CYP3A5: variants seen among roughly 807,000 people sequenced by gnomAD.
CYP3A5 encodes the protein cytochrome P450 family 3 subfamily A member 5, also known as cytochrome P450 3A5.
A neutral mutation model predicts 55.9 loss-of-function variants in CYP3A5; 51 were observed. The ratio of observed to expected loss-of-function variants is 0.91; its 90% CI spans 0.73 to 1.15. CYP3A5 has a LOEUF of 1.15. Ranked by LOEUF, CYP3A5 falls within the 50% of genes most tolerant of loss-of-function variation. The probability of loss-of-function intolerance (pLI) is 0.00; values close to 1 mark genes in which losing one functional copy is unlikely to be tolerated. For synonymous variants in CYP3A5, 196 were observed against 213.9 expected (o/e 0.92, Z 0.73); for missense variants, 533 against 596.6 (o/e 0.89, Z 1.11).
At chr7:99,650,367 C>T in intron 11 of CYP3A5, 135 bp from the exon 12 acceptor site, 2 of 758,902 alleles carry the variant, frequency 2.6e-6, no homozygotes, top group Non-Finnish European at 4.3e-6. Flanking sequence ...GTGGGCTGGT[C>T]ATTGAAATCC....
chr7:99,672,814 G>A lies in CYP3A5; in HGVS notation c.219-135C>T, dbSNP rs1235458328. The A allele has an allele frequency of 5.3e-6, 8 of 1,501,658 alleles. No homozygotes were observed. In the South Asian group the frequency reaches 6.7e-5, roughly 13 times the overall value. The allele number at this position is 1,501,658 out of a possible 1,614,324, so 93.0% of individuals were successfully genotyped here. On this transcript the variant is annotated intron_variant, in intron 3 of 12. Transcript: ENST00000222982. ...GTTGTACGACACACAGCAACCTTAGGTTCTAGTTCATTAGGGTGTGACACA... is the reference window on the plus strand; with the variant it reads ...GTTGTACGACACACAGCAACCTTAGATTCTAGTTCATTAGGGTGTGACACA...
intron 8 of CYP3A5, 187 bp downstream of exon 8, chr7:99,663,781 A>C (rs1810678602): frequency 1.6e-6 from 2 of 1,263,010 alleles, no homozygotes; most frequent in Non-Finnish European, 2.0e-6. Flanking sequence ...TTTAAATGCT[A>C]TCTCTCTGAC....
At chr7:99,666,270 C>G (rs1350639852) in intron 6 of CYP3A5, among the ~76,000 whole-genome samples, 1 of 152,150 alleles carries the variant, frequency 6.6e-6, no homozygotes, top group Non-Finnish European at 1.5e-5. Context: ...GCTTGCTTAC[C>G]CACAGTTCCA....
In CYP3A5 at chr7:99,648,263, C is replaced by A. The variant is rs1341136835; in HGVS notation, c.*42G>T. On this transcript the variant is annotated 3_prime_UTR_variant, in exon 13 of 13. Coordinates refer to ENST00000222982, the MANE Select transcript of CYP3A5 (RefSeq NM_000777.5). Reference sequence around the variant, plus strand: ...AGTTGAAATCTCTGGTGTTCTGGGGCACAGCTTTCTTGAAGACCAAAGTAG... The same window carrying A: ...AGTTGAAATCTCTGGTGTTCTGGGGAACAGCTTTCTTGAAGACCAAAGTAG... 1 of 1,597,344 alleles carries A rather than the reference C, an allele frequency of 6.3e-7. No individual in the cohort carries two copies. The highest frequency in any genetic ancestry group is 2.2e-5 in the East Asian group (1 of 44,584).
At position 99,662,131 on chromosome 7, in the gene CYP3A5, TG is replaced by T. The variant is rs761820851; in HGVS notation, c.865+684del. ...GATGTAGACATGGACATGTTTAAAG[TG>T]GTATACTGGAGTCTGCTGAGTCCTG... On this transcript the variant is annotated intron_variant, in intron 9 of 12. Transcript: ENST00000222982. This position sits in a 1 kb window ranked among gnomAD's most constrained non-coding sequence, Gnocchi z 4.3. 3.3e-5 allele frequency among the ~76,000 whole-genome samples: 5 copies of T among 152,208 alleles called. No homozygotes were observed. The highest frequency in any genetic ancestry group is 5.9e-5 in the Non-Finnish European group (4 of 68,042).
chr7:99,679,915 A>C lies in CYP3A5; in HGVS notation c.-19T>G, dbSNP rs4646441. The C allele has an allele frequency of 1.9e-6, 3 of 1,611,752 alleles. No individual in the cohort carries two copies. The highest frequency in any genetic ancestry group is 1.7e-6 in the Non-Finnish European group (2 of 1,178,028). ...GGTCCATCGCCACTTTCCTTCTTCA[A>C]CTGTGTTCTGTGAGTCTTCCTTTTA... is the stretch of plus-strand genomic sequence containing the variant. On this transcript the variant is annotated 5_prime_UTR_variant, in exon 1 of 13. Coordinates refer to ENST00000222982, the MANE Select transcript of CYP3A5 (RefSeq NM_000777.5).
intron 2 of CYP3A5, among the ~76,000 whole-genome samples, 158 bp from the exon 3 acceptor site, chr7:99,674,743 A>G (rs1017729854): frequency 3.3e-5 from 5 of 152,230 alleles, no homozygotes; most frequent in Admixed American, 1.3e-4. Context: ...AGGGAAAGAC[A>G]AGAAAACAGA....
chr7:99,648,871 C>G (rs1473970470), intron 12 of CYP3A5, among the ~76,000 whole-genome samples: 2 of 152,088 alleles, frequency 1.3e-5, no homozygotes, highest in African/African-American at 4.8e-5. Flanking sequence ...TAACCCTTCC[C>G]AGTTGAACCC....
chr7:99,667,650 T>C (rs1301856024), intron 4 of CYP3A5, among the ~76,000 whole-genome samples: 1 of 152,232 alleles, frequency 6.6e-6, no homozygotes, highest in African/African-American at 2.4e-5. Context: ...GGATAATTAC[T>C]TTTCCCAACT....
At chr7:99,660,931 CAG>C (rs1479684900) in intron 9 of CYP3A5, among the ~76,000 whole-genome samples, 1 of 152,156 alleles carries the variant, frequency 6.6e-6, no homozygotes, top group Non-Finnish European at 1.5e-5. Flanking sequence ...CTGTAATTTC[CAG>C]AGAGAGCATT....
At chr7:99,652,907 C>T (rs528271795) in intron 10 of CYP3A5, 128 bp from the exon 11 acceptor site, 13 of 703,990 alleles carry the variant, frequency 1.8e-5, no homozygotes, top group African/African-American at 9.0e-5. Context: ...TCATAGTATT[C>T]GTGAAGTATT....
Position 99,653,807 on chromosome 7 carries a change from C to A in CYP3A5, c.1027-1028G>T, listed in dbSNP as rs1809421213. ...AAAACTGTGGATGATATGTACCTAG[C>A]ACTTGGTGTTATATTTGGGAGGCAG... On this transcript the variant is annotated intron_variant, in intron 10 of 12. Transcript: ENST00000222982. This position sits in a 1 kb window ranked among gnomAD's most constrained non-coding sequence, Gnocchi z 4.2. Among the ~76,000 whole-genome samples, 1 of 152,200 alleles carries A rather than the reference C, an allele frequency of 6.6e-6. No individual in the cohort carries two copies. Among genetic ancestry groups the A allele is most frequent in the African/African-American group, 2.4e-5 (1 of 41,444 alleles).
chr7:99,676,018 C>T (rs987373698), intron 2 of CYP3A5, 97 bp downstream of exon 2: 2 of 1,028,388 alleles, frequency 1.9e-6, no homozygotes, highest in Non-Finnish European at 3.0e-6. Context: ...AAATGTGAAA[C>T]CTCAGAACTC....
At chr7:99,670,950 TTAGC>T (rs1490668504) in intron 4 of CYP3A5, 2 of 152,184 alleles carry the variant, frequency 1.3e-5, no homozygotes, top group African/African-American at 4.8e-5. Flanking sequence ...GTAGTGAAGT[TTAGC>T]TAGATATGTA....
At chr7:99,663,143 G>C (rs1206183339) in intron 8 of CYP3A5, 1 of 1,194,594 alleles carries the variant, frequency 8.4e-7, no homozygotes, top group East Asian at 4.9e-5. Context: ...CATCTTCTCT[G>C]TCTTTTGGAT....
intron 12 of CYP3A5, among the ~76,000 whole-genome samples, chr7:99,649,540 T>C (rs2151348316): frequency 6.6e-6 from 1 of 152,314 alleles, no homozygotes; most frequent in African/African-American, 2.4e-5. Flanking sequence ...ATTCTCCACC[T>C]TGGCTTCACG....
At chr7:99,679,662 A>G (rs1331997459) in intron 1 of CYP3A5, among the ~76,000 whole-genome samples, 164 bp downstream of exon 1, 4 of 152,228 alleles carry the variant, frequency 2.6e-5, no homozygotes, top group African/African-American at 9.6e-5. Flanking sequence ...TCATTCATAG[A>G]TCTGCATAAG....
Position 99,679,761 on chromosome 7 carries a change from A to G in CYP3A5, c.71+65T>C, listed in dbSNP as rs1170764206. 8 of 1,500,052 alleles carry G rather than the reference A, an allele frequency of 5.3e-6. No homozygotes were observed. In the East Asian group the frequency reaches 1.6e-4, roughly 30 times the overall value. The allele number at this position is 1,500,052 out of a possible 1,614,324, so 92.9% of individuals were successfully genotyped here. ...TTTTGATCTTCAAAACAGATAAGGG[A>G]AAAGGGGCCCGATTAGCACCCCAAG... On this transcript the variant is annotated intron_variant, in intron 1 of 12. Coordinates refer to ENST00000222982, the MANE Select transcript of CYP3A5 (RefSeq NM_000777.5).
At chr7:99,650,691 C>T (rs993216591) in intron 11 of CYP3A5, among the ~76,000 whole-genome samples, 1 of 152,212 alleles carries the variant, frequency 6.6e-6, no homozygotes, top group East Asian at 1.9e-4. Flanking sequence ...CCTGTCATCT[C>T]TTTTTTTCTA....
Sources: gnomAD v4.1 joint callset for allele counts (sites outside exome capture counted in the v4.1 genomes callset) on GRCh38, gnomAD v4.1.1 for gene constraint, Gnocchi (gnomAD v3.1) non-coding constraint, MANE v1.5 for transcripts, NCBI Gene and HGNC (gene_info 2026-07-23, HGNC 2026-07-21) for gene names.